Variants in IMMP2L observed in about 807,000 individuals in gnomAD.
The protein encoded by IMMP2L is inner mitochondrial membrane peptidase subunit 2.
Under a neutral mutation model 19.3 loss-of-function variants are expected in IMMP2L, and 18 were observed. The observed-to-expected ratio is 0.93, with a 90% CI of 0.64 to 1.38. The LOEUF is 1.38. Among genes scored for constraint, IMMP2L ranks in the 40% most tolerant of loss-of-function variants. IMMP2L has a pLI of 0.00. For missense variants in IMMP2L, 233 were observed against 218.2 expected (o/e 1.07, Z -0.43); for synonymous variants, 76 against 73.0 (o/e 1.04, Z -0.21).
chr7:111,340,547 T>C (rs1317962122), intron 3 of IMMP2L, among the ~76,000 whole-genome samples: 1 of 152,052 alleles, frequency 6.6e-6, no homozygotes, highest in Admixed American at 6.6e-5. Flanking sequence ...ATTCTTTAGC[T>C]GTATCTCCTA....
intron 3 of IMMP2L, among the ~76,000 whole-genome samples, chr7:111,372,152 A>G (rs533897454): frequency 6.6e-6 from 1 of 152,020 alleles, no homozygotes; most frequent in Admixed American, 6.6e-5. Context: ...TATAAAATAC[A>G]AAGGACAAAT....
At chr7:111,148,118 T>C (rs1407484045) in intron 3 of IMMP2L, among the ~76,000 whole-genome samples, 4 of 152,080 alleles carry the variant, frequency 2.6e-5, no homozygotes, top group African/African-American at 9.7e-5. Context: ...GTTTTCATCA[T>C]CTGTTGAATG....
chr7:111,277,698 G>A (rs1346534968), intron 3 of IMMP2L, among the ~76,000 whole-genome samples: 1 of 151,828 alleles, frequency 6.6e-6, no homozygotes, highest in East Asian at 1.9e-4. Flanking sequence ...ACTAAAAATA[G>A]AACTACTATT....
At chr7:111,428,582 G>A (rs1040313834) in intron 3 of IMMP2L, among the ~76,000 whole-genome samples, 13 of 151,616 alleles carry the variant, frequency 8.6e-5, no homozygotes, top group African/African-American at 3.2e-4. Flanking sequence ...CTAAAGAAAT[G>A]TTCAAGTGTC....
chr7:111,514,083 T>C (rs1467933100), intron 2 of IMMP2L, among the ~76,000 whole-genome samples: 1 of 152,052 alleles, frequency 6.6e-6, no homozygotes, highest in African/African-American at 2.4e-5. Flanking sequence ...TTCAGTTATG[T>C]AGGATTAATA....
chr7:111,407,811 TATAA>T (rs1467116518), intron 3 of IMMP2L, among the ~76,000 whole-genome samples: 2 of 152,020 alleles, frequency 1.3e-5, no homozygotes, highest in Non-Finnish European at 2.9e-5. Flanking sequence ...GTAAATTACA[TATAA>T]ATAAAGACAT....
At chr7:111,240,049 T>C (rs948266685) in intron 3 of IMMP2L, among the ~76,000 whole-genome samples, 1 of 151,942 alleles carries the variant, frequency 6.6e-6, no homozygotes, top group Non-Finnish European at 1.5e-5. Flanking sequence ...TGTTTTGACA[T>C]TGACAATAGA....
intron 3 of IMMP2L, among the ~76,000 whole-genome samples, chr7:111,131,662 T>G (rs1009014973): frequency 6.6e-6 from 1 of 152,044 alleles, no homozygotes; most frequent in African/African-American, 2.4e-5. Flanking sequence ...ATGTAATATA[T>G]ATTACATATA....
intron 2 of IMMP2L, among the ~76,000 whole-genome samples, chr7:111,497,422 A>C (rs1843696218): frequency 6.6e-6 from 1 of 152,174 alleles, no homozygotes; most frequent in Non-Finnish European, 1.5e-5. Flanking sequence ...CAATACCAAT[A>C]ATAGGAAACT....
At chr7:111,445,624 T>A (rs902239314) in intron 3 of IMMP2L, among the ~76,000 whole-genome samples, 5 of 152,138 alleles carry the variant, frequency 3.3e-5, no homozygotes, top group Admixed American at 3.3e-4. Context: ...AGGTTTCAGA[T>A]TACATGATCC....
At chr7:110,852,237 G>T (rs577478473) in intron 5 of IMMP2L, among the ~76,000 whole-genome samples, 1 of 151,202 alleles carries the variant, frequency 6.6e-6, no homozygotes, top group Non-Finnish European at 1.5e-5. Flanking sequence ...TGGATGGATG[G>T]ATGGATGTAT....
At position 110,803,861 on chromosome 7, in the gene IMMP2L, T is replaced by C. The variant is rs138315908; in HGVS notation, c.408+82732A>G. Reference sequence around the variant, plus strand: ...GGGGACTTGTTAGACATGCAAATTATCTTGCCCCACCTAAGACCTGGTGAA... The same window carrying C: ...GGGGACTTGTTAGACATGCAAATTACCTTGCCCCACCTAAGACCTGGTGAA... On this transcript the variant is annotated intron_variant, in intron 5 of 5. Transcript: ENST00000405709. The surrounding 1 kb of genome is among the most constrained non-coding windows in gnomAD (Gnocchi z 4.2). Among the ~76,000 whole-genome samples the C allele has an allele frequency of 2.8e-3, 427 of 152,190 alleles. 4 individuals are homozygous for C. The highest frequency in any genetic ancestry group is 9.6e-3 in the African/African-American group (401 of 41,560).
intron 3 of IMMP2L, among the ~76,000 whole-genome samples, chr7:111,030,347 G>A (rs1162709094): frequency 1.3e-5 from 2 of 151,720 alleles, no homozygotes; most frequent in East Asian, 1.9e-4. Context: ...TCCTTTCATT[G>A]AACAAACTCT....
chr7:110,914,187 C>T (rs1813346983), intron 4 of IMMP2L, among the ~76,000 whole-genome samples: 1 of 152,162 alleles, frequency 6.6e-6, no homozygotes, highest in African/African-American at 2.4e-5. Context: ...AGTGATGTTT[C>T]ATCTTCTGTT....
At chr7:111,139,863 G>C (rs537341139) in intron 3 of IMMP2L, among the ~76,000 whole-genome samples, 130 of 152,200 alleles carry the variant, frequency 8.5e-4, no homozygotes, top group African/African-American at 3.1e-3. Context: ...GAAAAACTAG[G>C]ATAATTCTTT....
intron 3 of IMMP2L, among the ~76,000 whole-genome samples, chr7:111,098,673 A>ATCTT (rs1217915387): frequency 3.3e-5 from 5 of 151,850 alleles, no homozygotes; most frequent in African/African-American, 1.2e-4. Flanking sequence ...TTCTCATTTA[A>ATCTT]TCTTCATAAC....
intron 3 of IMMP2L, among the ~76,000 whole-genome samples, chr7:111,015,553 G>C: frequency 6.6e-6 from 1 of 152,036 alleles, no homozygotes; most frequent in East Asian, 1.9e-4. Context: ...AAATTTTGCT[G>C]TGTTTTTCAC....
At chr7:111,410,692 A>C (rs555187635) in intron 3 of IMMP2L, among the ~76,000 whole-genome samples, 1 of 152,004 alleles carries the variant, frequency 6.6e-6, no homozygotes, top group South Asian at 2.1e-4. Flanking sequence ...TAAAGGAAAT[A>C]TGAACATAAC....
At chr7:110,759,424 T>C (rs961131528) in intron 5 of IMMP2L, among the ~76,000 whole-genome samples, 2 of 152,122 alleles carry the variant, frequency 1.3e-5, no homozygotes, top group African/African-American at 4.8e-5. Flanking sequence ...AGGAGGCTGG[T>C]CAAATAAAAT....
Sources: allele counts gnomAD v4.1 joint callset (sites outside exome capture counted in the v4.1 genomes callset), GRCh38; gene constraint gnomAD v4.1.1; non-coding constraint Gnocchi (gnomAD v3.1); transcripts MANE v1.5; gene names NCBI Gene and HGNC (gene_info 2026-07-23, HGNC 2026-07-21).